The following PIK3C2G variants were observed in gnomAD, a reference collection of about 807,000 sequenced individuals.
The protein encoded by PIK3C2G is phosphatidylinositol 3-kinase C2 domain-containing subunit gamma.
PIK3C2G carries 168 observed loss-of-function variants against 181.1 expected under a neutral mutation model. That is an observed-to-expected ratio of 0.93 (90% CI 0.82 to 1.05). The LOEUF (loss-of-function observed/expected upper bound fraction) is 1.05, where lower values mean the gene tolerates loss of function less well. Ranked by LOEUF, PIK3C2G falls within the 50% of genes least tolerant of loss-of-function variation. The pLI, the probability that PIK3C2G is intolerant of heterozygous loss-of-function variation, is 0.00. For missense variants in PIK3C2G, 1,869 were observed against 1,732.8 expected (o/e 1.08, Z -1.40); for synonymous variants, 573 against 592.2 (o/e 0.97, Z 0.47).
At chr12:18,491,605 T>C in intron 20 of PIK3C2G, 47 bp downstream of exon 20, 1 of 1,096,586 alleles carries the variant, frequency 9.1e-7, no homozygotes, top group South Asian at 1.3e-5. Context: ...CTGTTTTGTA[T>C]AGTTTAGTTC....
intron 14 of PIK3C2G, among the ~76,000 whole-genome samples, chr12:18,389,587 G>T (rs1943410469): frequency 6.6e-6 from 1 of 152,140 alleles, no homozygotes; most frequent in Admixed American, 6.5e-5. Flanking sequence ...CTTTCATTAT[G>T]TATGGTGCTT....
In PIK3C2G at chr12:18,562,838, A is replaced by T. The variant is rs367549247; in HGVS notation, c.3726A>T (p.Thr1242=). Residue 1242 remains threonine (T), a synonymous_variant, in exon 27 of 33, where the codon ACA becomes ACT. Coordinates refer to ENST00000538779, the MANE Select transcript of PIK3C2G (RefSeq NM_001288772.2). Reference sequence around the variant, plus strand: ...CTCAGGAATCCTGTTTGCTGAGTACAACTAGGTCGATTGAAAGAGCAACAA... The same window carrying T: ...CTCAGGAATCCTGTTTGCTGAGTACTACTAGGTCGATTGAAAGAGCAACAA... ...TFPQESCLLS[T]TRSIERATIL... The T allele has an allele frequency of 1.2e-6, 2 of 1,607,364 alleles. No homozygotes were observed. Among genetic ancestry groups the T allele is most frequent in the Non-Finnish European group, 1.7e-6 (2 of 1,176,478 alleles).
intron 14 of PIK3C2G, among the ~76,000 whole-genome samples, chr12:18,382,894 G>A (rs890856832): frequency 2.0e-5 from 3 of 152,012 alleles, no homozygotes; most frequent in African/African-American, 7.2e-5. Flanking sequence ...TATTTAACAT[G>A]GAAAGGAAAA....
At chr12:18,458,818 A>G (rs543757692) in intron 18 of PIK3C2G, among the ~76,000 whole-genome samples, 1 of 150,286 alleles carries the variant, frequency 6.7e-6, no homozygotes, top group Non-Finnish European at 1.5e-5. Context: ...GATGGCTTCT[A>G]GTTGCTGAAA....
At chr12:18,716,634 A>G in the PIK3C2G span, among the ~76,000 whole-genome samples, 15 of 152,306 alleles carry the variant, frequency 9.8e-5, no homozygotes, top group African/African-American at 3.4e-4. Context: ...GGAAACTTAC[A>G]GGTGATAGTC....
At chr12:18,376,030 CA>C (rs1300173214) in intron 13 of PIK3C2G, among the ~76,000 whole-genome samples, 2 of 152,218 alleles carry the variant, frequency 1.3e-5, no homozygotes, top group Non-Finnish European at 2.9e-5. Context: ...AAGCCTGCTA[CA>C]GGGGCAGATC....
intron 30 of PIK3C2G, among the ~76,000 whole-genome samples, chr12:18,602,858 A>G (rs961786204): frequency 1.3e-5 from 2 of 152,182 alleles, no homozygotes; most frequent in African/African-American, 4.8e-5. Flanking sequence ...CCATGGGACA[A>G]AAAAATCTGA....
the PIK3C2G span, among the ~76,000 whole-genome samples, chr12:18,661,619 A>G: frequency 6.6e-6 from 1 of 152,158 alleles, no homozygotes; most frequent in Non-Finnish European, 1.5e-5. Context: ...ACCAGTCAGA[A>G]TGGCTATTAT....
At chr12:18,684,288 T>C in the PIK3C2G span, 6 of 1,594,348 alleles carry the variant, frequency 3.8e-6, no homozygotes, top group Non-Finnish European at 5.1e-6. Flanking sequence ...AGCTGAAATA[T>C]AAAAAAAGAA....
At chr12:18,469,915 CTTT>C (rs34001401) in intron 18 of PIK3C2G, among the ~76,000 whole-genome samples, 4 of 141,832 alleles carry the variant, frequency 2.8e-5, no homozygotes, top group Admixed American at 7.1e-5. Context: ...ACCTGCTACT[CTTT>C]TTTTTTTTTT....
At chr12:18,712,720 G>T in the PIK3C2G span, 1 of 1,239,314 alleles carries the variant, frequency 8.1e-7, no homozygotes, top group South Asian at 1.3e-5. Flanking sequence ...CCTACTAATG[G>T]ATCATAACCC....
intron 18 of PIK3C2G, among the ~76,000 whole-genome samples, chr12:18,451,474 G>T (rs1029425410): frequency 2.0e-5 from 3 of 152,064 alleles, no homozygotes; most frequent in Non-Finnish European, 2.9e-5. Flanking sequence ...AGAAGTTTTT[G>T]GGCTCACACA....
chr12:18,484,285 T>C (rs758155791), intron 18 of PIK3C2G, among the ~76,000 whole-genome samples: 1 of 152,124 alleles, frequency 6.6e-6, no homozygotes, highest in African/African-American at 2.4e-5. Context: ...GGGAACATCA[T>C]GAATATATAA....
intron 15 of PIK3C2G, among the ~76,000 whole-genome samples, chr12:18,397,132 G>A (rs1477169442): frequency 1.3e-5 from 2 of 151,990 alleles, no homozygotes; most frequent in South Asian, 2.1e-4. Flanking sequence ...CTATTTGTAT[G>A]TTCAATTTAT....
intron 31 of PIK3C2G, among the ~76,000 whole-genome samples, chr12:18,623,764 T>C (rs986234174): frequency 1.4e-4 from 21 of 151,842 alleles, no homozygotes; most frequent in Non-Finnish European, 2.2e-4. Flanking sequence ...GCCTCCTTTG[T>C]TAAATTTGTT....
intron 11 of PIK3C2G, among the ~76,000 whole-genome samples, chr12:18,354,684 A>G (rs746453930): frequency 6.6e-5 from 10 of 152,318 alleles, no homozygotes; most frequent in Non-Finnish European, 1.5e-4. Flanking sequence ...CAAAGGGCTA[A>G]TAGGCATTTT....
chr12:18,455,787 C>A (rs1349604572), intron 18 of PIK3C2G, among the ~76,000 whole-genome samples: 1 of 152,150 alleles, frequency 6.6e-6, no homozygotes, highest in Non-Finnish European at 1.5e-5. Flanking sequence ...GACCTAATCA[C>A]ATCCCAAAGG....
chr12:18,637,397 G>GAT lies in PIK3C2G; in HGVS notation c.4183-3029_4183-3028dup, dbSNP rs1049526278. On this transcript the variant is annotated intron_variant, in intron 31 of 32. Transcript: ENST00000538779. Reference sequence around the variant, plus strand: ...GGTAAGATTTTGTTCACTTGACCTAGATATTTTTTTTTTTTTTTACAAAAA... The same window carrying GAT: ...GGTAAGATTTTGTTCACTTGACCTAGATATATTTTTTTTTTTTTTTACAAAAA... Among the ~76,000 whole-genome samples, 26 of 30,860 alleles carry GAT rather than the reference G, an allele frequency of 8.4e-4. 1 individual carries two copies. The highest frequency in any genetic ancestry group is 2.4e-3 in the East Asian group (2 of 822). 20.2% of individuals were successfully genotyped at this position (30,860 alleles called of 152,430 possible). A position where few individuals can be genotyped will look rare whatever the true frequency, so the allele number is the denominator to read the frequency against.
the PIK3C2G span, chr12:18,692,667 T>A: frequency 1.5e-6 from 1 of 658,046 alleles, no homozygotes; most frequent in Admixed American, 2.9e-5. Context: ...AAAAAATCAT[T>A]TCTACATTGA....
Sources: allele counts gnomAD v4.1 joint callset (sites outside exome capture counted in the v4.1 genomes callset), GRCh38; gene constraint gnomAD v4.1.1; transcripts MANE v1.5; gene names NCBI Gene and HGNC (gene_info 2026-07-23, HGNC 2026-07-21).